The following ERBB4 variants were observed in gnomAD, a reference collection of about 807,000 sequenced individuals.
The protein encoded by ERBB4 is receptor tyrosine-protein kinase erbB-4.
Under a neutral mutation model 158.0 loss-of-function variants are expected in ERBB4, and 42 were observed. That is an observed-to-expected ratio of 0.27 (90% CI 0.21 to 0.34). ERBB4 has a LOEUF of 0.34. Among genes scored for constraint, ERBB4 ranks in the 10% least tolerant of loss-of-function variants. The pLI is 1.00. For missense variants in ERBB4, 1,333 were observed against 1,624.1 expected (o/e 0.82, Z 3.08); for synonymous variants, 583 against 558.7 (o/e 1.04, Z -0.61).
intron 1 of ERBB4, among the ~76,000 whole-genome samples, chr2:212,463,918 A>T (rs536253319): frequency 6.6e-6 from 1 of 152,280 alleles, no homozygotes; most frequent in South Asian, 2.1e-4. Flanking sequence ...GGTAACTGAC[A>T]TGCAAACCTT....
intron 1 of ERBB4, among the ~76,000 whole-genome samples, chr2:212,174,810 G>A (rs935155373): frequency 7.2e-5 from 11 of 151,848 alleles, no homozygotes; most frequent in African/African-American, 1.7e-4. Context: ...TCCCAACACC[G>A]CTCTCTTAAA....
intron 2 of ERBB4, among the ~76,000 whole-genome samples, chr2:212,074,798 C>CTAG (rs1433041745): frequency 6.6e-6 from 1 of 151,942 alleles, no homozygotes; most frequent in Non-Finnish European, 1.5e-5. Flanking sequence ...TTTTAAACAG[C>CTAG]TAGTAGGTCA....
At chr2:211,402,755 C>T (rs549521119) in intron 25 of ERBB4, among the ~76,000 whole-genome samples, 86 of 152,030 alleles carry the variant, frequency 5.7e-4, no homozygotes, top group Non-Finnish European at 8.2e-4. Context: ...GACCATCCTC[C>T]CCTAGAAAAG....
chr2:211,631,685 G>A (rs2070138741), intron 16 of ERBB4, among the ~76,000 whole-genome samples: 1 of 151,936 alleles, frequency 6.6e-6, no homozygotes, highest in African/African-American at 2.4e-5. Context: ...AGTTTCCGTG[G>A]TCAGAGTTCT....
chr2:211,560,511 T>A (rs2067361643), intron 20 of ERBB4, among the ~76,000 whole-genome samples: 1 of 149,628 alleles, frequency 6.7e-6, no homozygotes, highest in East Asian at 1.9e-4. Flanking sequence ...TGACCTCAGG[T>A]GACCCACCTG....
Position 211,948,104 on chromosome 2 carries a change from A to G in ERBB4, c.235-488T>C, listed in dbSNP as rs186862269. On this transcript the variant is annotated intron_variant, in intron 2 of 27. Coordinates refer to ENST00000342788, the MANE Select transcript of ERBB4 (RefSeq NM_005235.3). The stretch of plus-strand genomic sequence containing the variant: ...TTATCAAATAACAATTGCCCTGTAC[A>G]TCTCTAGGGAACACAAACATAAAAA... 4.9e-4 allele frequency among the ~76,000 whole-genome samples: 75 copies of G among 152,246 alleles called. 2 individuals carry two copies. The South Asian group carries it at 0.015, about 31-fold the overall frequency.
Position 212,373,529 on chromosome 2 carries a change from G to C in ERBB4, c.82+164920C>G, listed in dbSNP as rs182195559. Among the ~76,000 whole-genome samples the C allele has an allele frequency of 7.1e-3, 1,079 of 151,660 alleles. 5 individuals are homozygous for C. The highest frequency in any genetic ancestry group is 0.025 in the Middle Eastern group (7 of 278). On this transcript the variant is annotated intron_variant, in intron 1 of 27. Transcript: ENST00000342788. ...CAGAATTTTTACAGCATTTACTATAGTTTGTTAAGCAAAGTAATTAATAAT... is the reference window on the plus strand; with the variant it reads ...CAGAATTTTTACAGCATTTACTATACTTTGTTAAGCAAAGTAATTAATAAT...
intron 3 of ERBB4, among the ~76,000 whole-genome samples, chr2:211,923,821 C>T (rs1336891587): frequency 6.6e-6 from 1 of 152,114 alleles, no homozygotes; most frequent in African/African-American, 2.4e-5. Flanking sequence ...CTCCTGGGTT[C>T]AAGTGATTCT....
chr2:211,529,569 G>A (rs536611236), intron 20 of ERBB4, among the ~76,000 whole-genome samples: 80 of 152,076 alleles, frequency 5.3e-4, no homozygotes, highest in Non-Finnish European at 9.4e-4. Context: ...GGCCAATATC[G>A]CTGATGAACA....
At chr2:211,462,956 G>T (rs1414089662) in intron 20 of ERBB4, among the ~76,000 whole-genome samples, 1 of 152,090 alleles carries the variant, frequency 6.6e-6, no homozygotes, top group Admixed American at 6.6e-5. Context: ...AAATAAATCT[G>T]ATAGAAAGCA....
chr2:212,178,880 G>C (rs1002517679), intron 1 of ERBB4, among the ~76,000 whole-genome samples: 1 of 151,542 alleles, frequency 6.6e-6, no homozygotes, highest in African/African-American at 2.4e-5. Context: ...TCTAGATAAA[G>C]GTATTGCAAA....
intron 4 of ERBB4, 79 bp from the exon 5 acceptor site, chr2:211,750,783 A>G: frequency 3.3e-6 from 4 of 1,206,178 alleles, no homozygotes; most frequent in Non-Finnish European, 4.9e-6. Context: ...CCTCAAAGGA[A>G]ATACTCCTGC....
chr2:211,581,913 G>A (rs1335434409), intron 19 of ERBB4, among the ~76,000 whole-genome samples: 3 of 152,104 alleles, frequency 2.0e-5, no homozygotes, highest in African/African-American at 7.2e-5. Flanking sequence ...AGGAGGCTGA[G>A]GCAGGAGAAT....
intron 13 of ERBB4, among the ~76,000 whole-genome samples, chr2:211,678,285 G>GA (rs1425670160): frequency 7.3e-5 from 5 of 68,702 alleles, no homozygotes; most frequent in East Asian, 5.1e-4. Flanking sequence ...AAAGTGAGTA[G>GA]AAAAAACAAA....
intron 1 of ERBB4, among the ~76,000 whole-genome samples, chr2:212,374,990 A>T (rs537846036): frequency 1.1e-4 from 16 of 152,054 alleles, no homozygotes; most frequent in Non-Finnish European, 1.8e-4. Flanking sequence ...ATATTTGTCA[A>T]TGATTATGTA....
At chr2:212,188,849 G>A (rs921651358) in intron 1 of ERBB4, among the ~76,000 whole-genome samples, 2 of 152,016 alleles carry the variant, frequency 1.3e-5, no homozygotes, top group East Asian at 1.9e-4. Context: ...TAAGCTACAT[G>A]AGAACATGAG....
At chr2:211,915,973 C>G (rs1011256729) in intron 3 of ERBB4, among the ~76,000 whole-genome samples, 1 of 151,790 alleles carries the variant, frequency 6.6e-6, no homozygotes, top group Non-Finnish European at 1.5e-5. Context: ...AGAAATTATA[C>G]ATACAACTTT....
At chr2:211,624,136 TC>T in intron 17 of ERBB4, 92 bp from the exon 18 acceptor site, 1 of 1,451,826 alleles carries the variant, frequency 6.9e-7, no homozygotes, top group East Asian at 2.4e-5. Context: ...TGGTTCTCTT[TC>T]TTACAAAGAA....
At chr2:211,455,477 G>A (rs550221861) in intron 20 of ERBB4, among the ~76,000 whole-genome samples, 1 of 152,212 alleles carries the variant, frequency 6.6e-6, no homozygotes, top group Non-Finnish European at 1.5e-5. Flanking sequence ...TTTGCCAATT[G>A]AAATCAGTTC....
Sources: allele counts gnomAD v4.1 joint callset (sites outside exome capture counted in the v4.1 genomes callset), GRCh38; gene constraint gnomAD v4.1.1; transcripts MANE v1.5; gene names NCBI Gene and HGNC (gene_info 2026-07-23, HGNC 2026-07-21).